The following COL23A1 variants were observed in gnomAD, a reference collection of about 807,000 sequenced individuals.
COL23A1 encodes the protein collagen alpha-1(XXIII) chain.
In COL23A1, 97 loss-of-function variants were observed where a neutral mutation model predicts 99.3. The observed-to-expected ratio is 0.98, with a 90% CI of 0.83 to 1.16. The LOEUF is 1.16. Ranked by LOEUF, COL23A1 falls within the 50% of genes most tolerant of loss-of-function variation. The probability of loss-of-function intolerance (pLI) is 0.00; values close to 1 mark genes in which losing one functional copy is unlikely to be tolerated. For missense variants in COL23A1, 762 were observed against 757.4 expected, an observed-to-expected ratio of 1.01 and a Z score of -0.07; for synonymous variants, 320 against 308.2, an observed-to-expected ratio of 1.04 and a Z score of -0.40.
chr5:178,534,507 C>T (rs1389948692), intron 2 of COL23A1, among the ~76,000 whole-genome samples: 3 of 133,666 alleles, frequency 2.2e-5, no homozygotes, highest in Non-Finnish European at 5.1e-5. Flanking sequence ...GAGGCCAGGG[C>T]GGTGGCTCAC....
At chr5:178,274,068 G>A (rs544951714) in intron 5 of COL23A1, among the ~76,000 whole-genome samples, 2 of 152,232 alleles carry the variant, frequency 1.3e-5, no homozygotes, top group Non-Finnish European at 2.9e-5. Context: ...GGGATTCCAC[G>A]GTTGAGTAAG....
chr5:178,550,281 T>C (rs1761931880), intron 2 of COL23A1, among the ~76,000 whole-genome samples: 1 of 152,238 alleles, frequency 6.6e-6, no homozygotes, highest in South Asian at 2.1e-4. Flanking sequence ...GGAAATGTTT[T>C]CTTCTATGGC....
chr5:178,349,617 T>C (rs1236749172), intron 2 of COL23A1, among the ~76,000 whole-genome samples: 4 of 150,254 alleles, frequency 2.7e-5, no homozygotes, highest in African/African-American at 9.8e-5. Context: ...CACCGTCCAA[T>C]GTAATGGGAG....
At chr5:178,388,684 C>A (rs1163110481) in intron 2 of COL23A1, among the ~76,000 whole-genome samples, 1 of 152,182 alleles carries the variant, frequency 6.6e-6, no homozygotes, top group Non-Finnish European at 1.5e-5. Context: ...ATCCAGTGAC[C>A]AGGCCACCGA....
chr5:178,515,986 C>T (rs1759484703), intron 2 of COL23A1, among the ~76,000 whole-genome samples: 1 of 152,164 alleles, frequency 6.6e-6, no homozygotes, highest in African/African-American at 2.4e-5. Flanking sequence ...GTGGGTTCCT[C>T]AGGCTCAGTT....
intron 2 of COL23A1, among the ~76,000 whole-genome samples, chr5:178,489,384 G>A (rs909286887): frequency 3.3e-5 from 5 of 152,226 alleles, no homozygotes; most frequent in African/African-American, 4.8e-5. Flanking sequence ...CGGCTCCCCT[G>A]GTTCTGAGGC....
At chr5:178,493,621 C>T (rs1039154679) in intron 2 of COL23A1, among the ~76,000 whole-genome samples, 64 of 152,388 alleles carry the variant, frequency 4.2e-4, no homozygotes, top group African/African-American at 1.3e-3. Context: ...TGGCCATCTC[C>T]ACACCTCCAA....
intron 1 of COL23A1, among the ~76,000 whole-genome samples, chr5:178,576,283 G>T (rs1231743614): frequency 6.6e-6 from 1 of 152,044 alleles, no homozygotes; most frequent in Non-Finnish European, 1.5e-5. Flanking sequence ...TGTCGCCCCA[G>T]GCTGGAGTCC....
chr5:178,367,989 G>T (rs1189058139), intron 2 of COL23A1, among the ~76,000 whole-genome samples: 1 of 152,212 alleles, frequency 6.6e-6, no homozygotes, highest in Admixed American at 6.5e-5. Flanking sequence ...GAGACGTTGT[G>T]TGCACTGCGG....
chr5:178,398,789 T>G (rs1416325809), intron 2 of COL23A1, among the ~76,000 whole-genome samples: 1 of 152,252 alleles, frequency 6.6e-6, no homozygotes, highest in African/African-American at 2.4e-5. Context: ...GGACCCGTTG[T>G]TCTCATAGGA....
chr5:178,411,049 A>G (rs1765030706), intron 2 of COL23A1, among the ~76,000 whole-genome samples: 1 of 152,210 alleles, frequency 6.6e-6, no homozygotes, highest in Non-Finnish European at 1.5e-5. Context: ...AAGATGCTCA[A>G]CACTATTAAT....
intron 2 of COL23A1, among the ~76,000 whole-genome samples, chr5:178,426,879 A>G (rs1404239939): frequency 6.6e-6 from 1 of 152,230 alleles, no homozygotes; most frequent in Admixed American, 6.5e-5. Context: ...TGCCCATCAT[A>G]TGCCATCAGG....
intron 2 of COL23A1, among the ~76,000 whole-genome samples, chr5:178,466,159 T>C (rs1253433397): frequency 6.6e-6 from 1 of 152,154 alleles, no homozygotes; most frequent in Non-Finnish European, 1.5e-5. Flanking sequence ...TTCGCCGGTG[T>C]TGGAGGCCTT....
chr5:178,247,836 G>A lies in COL23A1; in HGVS notation c.1213-5C>T. On this transcript the variant is annotated splice_region_variant and splice_polypyrimidine_tract_variant and intron_variant, in intron 20 of 28. Transcript: ENST00000390654. ...TGGCTCCACTATGAGCTGAGCCTAGGGAGGGTGAGAGACAGGTTAGTCACC... is the reference window on the plus strand; with the variant it reads ...TGGCTCCACTATGAGCTGAGCCTAGAGAGGGTGAGAGACAGGTTAGTCACC... 6.2e-7 allele frequency: 1 copy of A among 1,611,352 alleles called. No homozygotes were observed. The highest frequency in any genetic ancestry group is 8.5e-7 in the Non-Finnish European group (1 of 1,178,748).
At chr5:178,449,863 G>C (rs1241086272) in intron 2 of COL23A1, among the ~76,000 whole-genome samples, 2 of 152,060 alleles carry the variant, frequency 1.3e-5, no homozygotes, top group African/African-American at 4.8e-5. Context: ...TGGACTTCAC[G>C]CGTTGTGTCC....
intron 2 of COL23A1, among the ~76,000 whole-genome samples, chr5:178,370,411 C>T (rs1762734860): frequency 1.3e-5 from 2 of 151,948 alleles, no homozygotes; most frequent in Admixed American, 6.6e-5. Context: ...ATAAGCCAGG[C>T]ACAGAAAGAC....
chr5:178,364,080 TCCC>T (rs1351310326), intron 2 of COL23A1, among the ~76,000 whole-genome samples: 6 of 152,162 alleles, frequency 3.9e-5, no homozygotes, highest in African/African-American at 1.4e-4. Flanking sequence ...ACCACCTCGG[TCCC>T]GCCCCGGGTC....
intron 1 of COL23A1, among the ~76,000 whole-genome samples, chr5:178,574,483 C>A (rs919713759): frequency 1.3e-5 from 2 of 152,094 alleles, no homozygotes; most frequent in Non-Finnish European, 2.9e-5. Flanking sequence ...GAAACCGTGC[C>A]AGCCCCTCCA....
intron 2 of COL23A1, among the ~76,000 whole-genome samples, chr5:178,325,914 A>G (rs1759623450): frequency 6.6e-6 from 1 of 152,136 alleles, no homozygotes; most frequent in African/African-American, 2.4e-5. Flanking sequence ...CAGTCTGTCC[A>G]CTGCGGTGGG....
Sources: gnomAD v4.1 joint callset for allele counts (sites outside exome capture counted in the v4.1 genomes callset) on GRCh38, gnomAD v4.1.1 for gene constraint, MANE v1.5 for transcripts, NCBI Gene and HGNC (gene_info 2026-07-23, HGNC 2026-07-21) for gene names.